Variants in PKHD1 observed in about 807,000 individuals in gnomAD.
PKHD1 encodes the protein PKHD1 ciliary IPT domain containing fibrocystin/polyductin.
A neutral mutation model predicts 412.0 loss-of-function variants in PKHD1; 291 were observed. That is an observed-to-expected ratio of 0.71 (90% confidence interval 0.64 to 0.78). PKHD1 has a LOEUF of 0.78. Among genes scored for constraint, PKHD1 ranks in the 30% least tolerant of loss-of-function variants. The pLI, the probability that PKHD1 is intolerant of heterozygous loss-of-function variation, is 0.00. For synonymous variants in PKHD1, 1,777 were observed against 1,821.5 expected (o/e 0.98, Z 0.62); for missense variants, 4,825 against 4,950.7 (o/e 0.97, Z 0.76).
At chr6:51,788,969 T>C (rs1276715363) in intron 53 of PKHD1, among the ~76,000 whole-genome samples, 1 of 152,144 alleles carries the variant, frequency 6.6e-6, no homozygotes, top group East Asian at 1.9e-4. Flanking sequence ...AGCCAACAGG[T>C]GGCCAAGGTG....
At chr6:51,874,899 T>G (rs1241147878) in intron 46 of PKHD1, among the ~76,000 whole-genome samples, 1 of 92,080 alleles carries the variant, frequency 1.1e-5, no homozygotes, top group African/African-American at 4.5e-5. Context: ...CAGGCCAGTG[T>G]GTGTGCGCAC....
In PKHD1 at chr6:52,054,104, ATTGTGAAGGACACAATCATCT is replaced by A. The variant is rs1395754871; in HGVS notation, c.1877_1897del (p.Lys626_Thr632del). On this transcript the variant is annotated inframe_deletion, in exon 20 of 67. Coordinates refer to ENST00000371117, the MANE Select transcript of PKHD1 (RefSeq NM_138694.4). The stretch of plus-strand genomic sequence containing the variant: ...ATTCTTTACCATGTTTTGAAAGCCG[ATTGTGAAGGACACAATCATCT>A]TCAGGATCTTGTTCATGTGGCCTTT... The A allele has an allele frequency of 3.1e-6, 5 of 1,613,872 alleles. No homozygotes were observed. The highest frequency in any genetic ancestry group is 4.2e-6 in the Non-Finnish European group (5 of 1,179,758).
chr6:51,661,211 G>A (rs1772805809), intron 60 of PKHD1, among the ~76,000 whole-genome samples: 1 of 152,040 alleles, frequency 6.6e-6, no homozygotes, highest in South Asian at 2.1e-4. Context: ...GATTTTAGTA[G>A]CTCTGCCTCA....
intron 37 of PKHD1, among the ~76,000 whole-genome samples, chr6:51,927,478 G>T (rs1467094130): frequency 6.6e-6 from 1 of 152,170 alleles, no homozygotes; most frequent in Non-Finnish European, 1.5e-5. Context: ...AAAACAAGGA[G>T]ATTCAAAGAA....
intron 36 of PKHD1, among the ~76,000 whole-genome samples, chr6:51,950,220 A>AAAAAAAAAAAAAAATATATATAT: frequency 1.2e-3 from 120 of 98,200 alleles, no homozygotes; most frequent in African/African-American, 4.4e-3. Flanking sequence ...GAAAAAAAAA[A>AAAAAAAAAAAAAAATATATATAT]ATATATATAT....
chr6:51,736,165 T>C (rs1291302161), intron 60 of PKHD1, among the ~76,000 whole-genome samples: 1 of 152,154 alleles, frequency 6.6e-6, no homozygotes, highest in African/African-American at 2.4e-5. Flanking sequence ...TTAGATGCTG[T>C]TATTGTTAAT....
rs538390550 is a variant in PKHD1, at chr6:51,786,053, T to C, written c.8440+5183A>G. ...TTAACTAATTTACTTTTTTAAAAAC[T>C]CTATGAAATACGTACTATTATTATT... On this transcript the variant is annotated intron_variant, in intron 53 of 66. Transcript: ENST00000371117. 3.9e-5 allele frequency among the ~76,000 whole-genome samples: 6 copies of C among 152,296 alleles called. No individual in the cohort carries two copies. In the South Asian group the frequency reaches 1.2e-3, roughly 32 times the overall value.
At chr6:51,642,563 G>C (rs562935231) in intron 63 of PKHD1, among the ~76,000 whole-genome samples, 6 of 152,286 alleles carry the variant, frequency 3.9e-5, no homozygotes, top group African/African-American at 1.2e-4. Flanking sequence ...GGATGGGCTG[G>C]GCACGGTGGC....
chr6:52,014,769 T>C (rs58859563), intron 34 of PKHD1, among the ~76,000 whole-genome samples: 1 of 129,222 alleles, frequency 7.7e-6, no homozygotes, highest in African/African-American at 3.1e-5. Context: ...TGGATGAATA[T>C]ACTGGATAGA....
chr6:51,710,832 C>T (rs1780569686), intron 60 of PKHD1, among the ~76,000 whole-genome samples: 1 of 152,166 alleles, frequency 6.6e-6, no homozygotes, highest in Admixed American at 6.6e-5. Context: ...GAGCAAATAA[C>T]TTGCCTAGAG....
chr6:52,005,026 C>A (rs558457531), intron 35 of PKHD1, among the ~76,000 whole-genome samples: 1 of 152,216 alleles, frequency 6.6e-6, no homozygotes, highest in African/African-American at 2.4e-5. Context: ...CCTGCAAATT[C>A]CACCAATATT....
chr6:51,904,022 A>G lies in PKHD1; in HGVS notation c.6829T>C (p.Tyr2277His). Residue 2277 changes from tyrosine to histidine, a missense_variant, in exon 42 of 67, where the codon TAT becomes CAT. Physicochemically the swap from Tyr to His is moderately conservative, Grantham distance 83. Coordinates refer to ENST00000371117, the MANE Select transcript of PKHD1 (RefSeq NM_138694.4). Reference sequence around the variant, plus strand: ...CCATGAATTGCCTCCCAGGAGATATATCTCATCTCCGTGCATGTCCCTGAG... The same window carrying G: ...CCATGAATTGCCTCCCAGGAGATATGTCTCATCTCCGTGCATGTCCCTGAG... Reference protein sequence around the residue: ...LLVGTCTEMRYISWEAIHGRK... With the variant: ...LLVGTCTEMRHISWEAIHGRK... 6.3e-7 allele frequency: 1 copy of G among 1,595,986 alleles called. No individual in the cohort carries two copies. Among genetic ancestry groups the G allele is most frequent in the East Asian group, 2.2e-5 (1 of 44,750 alleles).
chr6:51,776,054 G>A, intron 53 of PKHD1, 133 bp from the exon 54 acceptor site: 5 of 607,478 alleles, frequency 8.2e-6, no homozygotes, highest in Non-Finnish European at 1.5e-5. Context: ...CAATGGTCAT[G>A]CAGATGAAAT....
intron 60 of PKHD1, among the ~76,000 whole-genome samples, chr6:51,672,361 A>G (rs1775144786): frequency 1.3e-5 from 2 of 152,330 alleles, no homozygotes; most frequent in Admixed American, 1.3e-4. Context: ...CTTATGATGA[A>G]GGAATATTTA....
intron 60 of PKHD1, among the ~76,000 whole-genome samples, chr6:51,664,153 T>G (rs933975169): frequency 1.3e-5 from 2 of 152,130 alleles, no homozygotes; most frequent in African/African-American, 2.4e-5. Flanking sequence ...TTATTACTTA[T>G]TTATTTATTT....
intron 60 of PKHD1, among the ~76,000 whole-genome samples, chr6:51,675,301 G>C (rs543321336): frequency 6.6e-6 from 1 of 152,098 alleles, no homozygotes; most frequent in Non-Finnish European, 1.5e-5. Context: ...CTCTGGATTT[G>C]TTTTCTTCCT....
chr6:51,966,651 C>T (rs186844740), intron 35 of PKHD1, among the ~76,000 whole-genome samples: 4 of 152,254 alleles, frequency 2.6e-5, no homozygotes, highest in Admixed American at 2.6e-4. Flanking sequence ...AGACTACTTT[C>T]CAGGAACTAC....
chr6:51,792,083 T>A (rs1793850123), intron 52 of PKHD1, among the ~76,000 whole-genome samples: 1 of 152,202 alleles, frequency 6.6e-6, no homozygotes, highest in African/African-American at 2.4e-5. Flanking sequence ...ACTGGACAAT[T>A]TAAAATCATT....
chr6:51,865,146 G>T (rs1402108688), intron 48 of PKHD1, among the ~76,000 whole-genome samples: 2 of 152,112 alleles, frequency 1.3e-5, no homozygotes, highest in African/African-American at 4.8e-5. Context: ...GCTGGGAAAG[G>T]AACGCTATCC....
Sources: gnomAD v4.1 joint callset for allele counts (sites outside exome capture counted in the v4.1 genomes callset) on GRCh38, gnomAD v4.1.1 for gene constraint, MANE v1.5 for transcripts, NCBI Gene and HGNC (gene_info 2026-07-23, HGNC 2026-07-21) for gene names.